The following RAF1 variants were observed in gnomAD, a reference collection of about 807,000 sequenced individuals.
RAF1 encodes the protein Raf-1 proto-oncogene, serine/threonine kinase, also known as RAF proto-oncogene serine/threonine-protein kinase.
RAF1 carries 27 observed loss-of-function variants against 81.1 expected under a neutral mutation model. The ratio of observed to expected loss-of-function variants is 0.33; its 90% CI spans 0.25 to 0.46. The LOEUF (loss-of-function observed/expected upper bound fraction) is 0.46, where lower values mean the gene tolerates loss of function less well. Among genes scored for constraint, RAF1 ranks in the 20% least tolerant of loss-of-function variants. RAF1 has a pLI of 1.00. For synonymous variants in RAF1, 298 were observed against 294.0 expected (o/e 1.01, Z -0.14); for missense variants, 598 against 826.0 (o/e 0.72, Z 3.38).
At chr3:12,656,575 T>C (rs1456623110) in intron 1 of RAF1, among the ~76,000 whole-genome samples, 2 of 152,216 alleles carry the variant, frequency 1.3e-5, no homozygotes, top group African/African-American at 2.4e-5. Flanking sequence ...TGATTAATGT[T>C]TGCTGTGTAA....
intron 1 of RAF1, among the ~76,000 whole-genome samples, chr3:12,653,076 GT>G (rs1364383936): frequency 1.3e-5 from 2 of 152,112 alleles, no homozygotes; most frequent in Non-Finnish European, 2.9e-5. Flanking sequence ...GAGGCCAGGA[GT>G]TTGAGACCAC....
chr3:12,601,518 C>A (rs997204194), intron 8 of RAF1, among the ~76,000 whole-genome samples: 2 of 152,080 alleles, frequency 1.3e-5, no homozygotes, highest in Non-Finnish European at 2.9e-5. Context: ...TAATATAAAA[C>A]CACTTGGCCC....
intron 1 of RAF1, among the ~76,000 whole-genome samples, chr3:12,649,718 T>A (rs2060462894): frequency 6.6e-6 from 1 of 151,982 alleles, no homozygotes; most frequent in Admixed American, 6.6e-5. Context: ...CACAAAAATA[T>A]AACCTAGGGT....
intron 2 of RAF1, among the ~76,000 whole-genome samples, chr3:12,612,367 G>A: frequency 6.6e-6 from 1 of 152,174 alleles, no homozygotes. Context: ...AAGGTGAAGA[G>A]GCCAGGCACG....
intron 6 of RAF1, 98 bp downstream of exon 6, chr3:12,606,103 G>A (rs2059020152): frequency 1.2e-6 from 1 of 838,986 alleles, no homozygotes; most frequent in Non-Finnish European, 2.0e-6. Context: ...CACGTAGAGA[G>A]GAGGGAATGC....
At chr3:12,628,758 G>A (rs1411275109) in intron 1 of RAF1, among the ~76,000 whole-genome samples, 1 of 139,276 alleles carries the variant, frequency 7.2e-6, no homozygotes, top group African/African-American at 2.6e-5. Flanking sequence ...TTTTGGGGGG[G>A]GGGGGTGGCG....
chr3:12,603,615 T>C, intron 7 of RAF1: 1 of 632,372 alleles, frequency 1.6e-6, no homozygotes, highest in Non-Finnish European at 2.9e-6. Context: ...TTATTAAAGA[T>C]GAAGCAGAAA....
chr3:12,602,778 T>G (rs2058901982), intron 8 of RAF1, among the ~76,000 whole-genome samples: 1 of 152,184 alleles, frequency 6.6e-6, no homozygotes, highest in African/African-American at 2.4e-5. Context: ...CTCACAATAG[T>G]GGCAGGACAA....
chr3:12,651,400 G>A (rs562449382), intron 1 of RAF1, among the ~76,000 whole-genome samples: 4 of 152,190 alleles, frequency 2.6e-5, no homozygotes, highest in Admixed American at 1.3e-4. Context: ...TTGGGAGGCC[G>A]AGGAGGGTGG....
At chr3:12,650,844 A>C (rs978411705) in intron 1 of RAF1, among the ~76,000 whole-genome samples, 1 of 152,208 alleles carries the variant, frequency 6.6e-6, no homozygotes, top group Non-Finnish European at 1.5e-5. Flanking sequence ...GAAACATACT[A>C]TAAGAATCTG....
At chr3:12,599,607 C>T (rs565832924) in intron 11 of RAF1, 84 bp downstream of exon 10, 11 of 968,436 alleles carry the variant, frequency 1.1e-5, no homozygotes, top group Middle Eastern at 4.4e-4. Flanking sequence ...AGCACTCAGT[C>T]CTCTCCTCCT....
At chr3:12,608,721 T>A (rs1055644466) in intron 5 of RAF1, 45 bp downstream of exon 5, 1 of 1,591,944 alleles carries the variant, frequency 6.3e-7, no homozygotes, top group African/African-American at 1.3e-5. Flanking sequence ...AAAGTATGTA[T>A]ACTCCTCATC....
intron 11 of RAF1, among the ~76,000 whole-genome samples, chr3:12,597,437 A>G (rs1256988280): frequency 1.3e-5 from 2 of 152,230 alleles, no homozygotes; most frequent in Admixed American, 6.5e-5. Context: ...GCTGGCTTTT[A>G]GCTGGGGCTT....
At position 12,653,455 on chromosome 3, in the gene RAF1, A is replaced by G. The variant is rs150790230; in HGVS notation, c.-27+10358T>C. ...ACATTTCCTATTGCAGTAAAAAGTGATATCTCTTGGCTGGGCACATTGGCT... is the reference window on the plus strand; with the variant it reads ...ACATTTCCTATTGCAGTAAAAAGTGGTATCTCTTGGCTGGGCACATTGGCT... On this transcript the variant is annotated intron_variant, in intron 1 of 17. Coordinates refer to ENST00000442415, the MANE Select transcript of RAF1 (RefSeq NM_001354689.3). 2.0e-3 allele frequency among the ~76,000 whole-genome samples: 305 copies of G among 152,164 alleles called. 1 individual carries two copies. The highest frequency in any genetic ancestry group is 6.4e-3 in the African/African-American group (265 of 41,512).
Position 12,591,806 on chromosome 3 carries a change from TG to T in RAF1, c.1169-15del. 1 of 1,591,188 alleles carries T rather than the reference TG, an allele frequency of 6.3e-7. No homozygotes were observed. The highest frequency in any genetic ancestry group is 1.3e-5 in the African/African-American group (1 of 74,566). Reference sequence around the variant, plus strand: ...CTGCAACATCTCCTGCAAAATTAGTTGGCAGTCAGTGCAATCAGTTGAATGA... The same window carrying T: ...CTGCAACATCTCCTGCAAAATTAGTTGCAGTCAGTGCAATCAGTTGAATGA... On this transcript the variant is annotated splice_polypyrimidine_tract_variant and intron_variant, in intron 11 of 17. Coordinates refer to ENST00000442415, the MANE Select transcript of RAF1 (RefSeq NM_001354689.3).
At chr3:12,631,486 C>T (rs2059857976) in intron 1 of RAF1, among the ~76,000 whole-genome samples, 1 of 152,124 alleles carries the variant, frequency 6.6e-6, no homozygotes, top group Non-Finnish European at 1.5e-5. Context: ...GTAGCCCCAG[C>T]TTCTCGGAAG....
At chr3:12,623,797 CAAAA>C (rs71063844) in intron 1 of RAF1, among the ~76,000 whole-genome samples, 1 of 121,626 alleles carries the variant, frequency 8.2e-6, no homozygotes. Flanking sequence ...GACTCTGTCT[CAAAA>C]AAAAAAAAAA....
At chr3:12,644,247 G>A (rs2060277771) in intron 1 of RAF1, among the ~76,000 whole-genome samples, 1 of 152,122 alleles carries the variant, frequency 6.6e-6, no homozygotes, top group African/African-American at 2.4e-5. Context: ...TAAGTGATTT[G>A]AATCCTAATA....
At chr3:12,588,343 C>T (rs868620006) in intron 13 of RAF1, 6 of 152,182 alleles carry the variant, frequency 3.9e-5, no homozygotes, top group Admixed American at 2.6e-4. Context: ...CATCACTTAA[C>T]GGCAGGGATA....
Sources: allele counts gnomAD v4.1 joint callset (sites outside exome capture counted in the v4.1 genomes callset), GRCh38; gene constraint gnomAD v4.1.1; transcripts MANE v1.5; gene names NCBI Gene and HGNC (gene_info 2026-07-23, HGNC 2026-07-21).